SH3GL2: variants seen among roughly 807,000 people sequenced by gnomAD.
SH3GL2 encodes the protein SH3 domain containing GRB2 like 2, endophilin A1, also known as endophilin-A1.
SH3GL2 carries 24 observed loss-of-function variants against 46.0 expected under a neutral mutation model. The observed-to-expected ratio is 0.52, with a 90% CI of 0.38 to 0.73. The LOEUF (loss-of-function observed/expected upper bound fraction) is 0.73. Among genes scored for constraint, SH3GL2 ranks in the 30% least tolerant of loss-of-function variants. The pLI is 0.00. For synonymous variants in SH3GL2, 196 were observed against 147.1 expected, an observed-to-expected ratio of 1.33 and a Z score of -2.40; for missense variants, 413 against 424.2, an observed-to-expected ratio of 0.97 and a Z score of 0.23.
chr9:17,685,030 T>C (rs1016290098), intron 1 of SH3GL2, among the ~76,000 whole-genome samples: 3 of 152,132 alleles, frequency 2.0e-5, no homozygotes, highest in Admixed American at 2.0e-4. Context: ...TTAATCCTAA[T>C]ACATGGTATA....
At chr9:17,586,471 C>T (rs187805086) in intron 1 of SH3GL2, among the ~76,000 whole-genome samples, 14 of 152,182 alleles carry the variant, frequency 9.2e-5, no homozygotes, top group African/African-American at 3.1e-4. Flanking sequence ...TGCTGAGAAA[C>T]ATCTCAATAT....
At chr9:17,655,987 G>A (rs1820066007) in intron 1 of SH3GL2, among the ~76,000 whole-genome samples, 1 of 152,128 alleles carries the variant, frequency 6.6e-6, no homozygotes, top group African/African-American at 2.4e-5. Context: ...TGTGGCAGTT[G>A]GCACATCTCT....
chr9:17,746,242 A>C (rs534949014), intron 1 of SH3GL2, among the ~76,000 whole-genome samples: 7 of 151,950 alleles, frequency 4.6e-5, no homozygotes, highest in Non-Finnish European at 8.8e-5. Flanking sequence ...CGCCCAGCTA[A>C]TTTTTTTGTA....
intron 3 of SH3GL2, among the ~76,000 whole-genome samples, chr9:17,777,312 A>G (rs1823667832): frequency 6.6e-6 from 1 of 151,956 alleles, no homozygotes; most frequent in Admixed American, 6.5e-5. Context: ...AGCTTCAGAA[A>G]TCCATGTGAA....
chr9:17,735,320 T>C (rs1588285704), intron 1 of SH3GL2, among the ~76,000 whole-genome samples: 2 of 152,108 alleles, frequency 1.3e-5, no homozygotes, highest in Admixed American at 1.3e-4. Context: ...TTAGCACCTG[T>C]CCTCAGTTTA....
At chr9:17,794,848 C>G (rs1824234061) in intron 8 of SH3GL2, among the ~76,000 whole-genome samples, 1 of 152,148 alleles carries the variant, frequency 6.6e-6, no homozygotes, top group Admixed American at 6.5e-5. Context: ...GTATAAATTA[C>G]AAAATTTTTT....
chr9:17,736,508 A>C (rs1822338796), intron 1 of SH3GL2, among the ~76,000 whole-genome samples: 1 of 152,084 alleles, frequency 6.6e-6, no homozygotes, highest in African/African-American at 2.4e-5. Context: ...ACCTAAGGTA[A>C]AGCTTACGAT....
At chr9:17,762,098 G>T (rs1226094739) in intron 3 of SH3GL2, among the ~76,000 whole-genome samples, 1 of 152,126 alleles carries the variant, frequency 6.6e-6, no homozygotes, top group Non-Finnish European at 1.5e-5. Context: ...GCAGAGTTGG[G>T]GCAGTTTCGG....
chr9:17,791,444 C>T (rs9407877), intron 7 of SH3GL2, 110 bp downstream of exon 7: 41,972 of 789,546 alleles, frequency 0.053, 2,236 homozygotes, highest in African/African-American at 0.23. Context: ...GCCAAAATTC[C>T]GCTTATCCTA....
intron 1 of SH3GL2, among the ~76,000 whole-genome samples, chr9:17,656,081 C>A (rs1296148777): frequency 6.6e-6 from 1 of 152,114 alleles, no homozygotes; most frequent in African/African-American, 2.4e-5. Context: ...CTTAGACTGG[C>A]TTAGATTGGC....
At chr9:17,748,709 T>C (rs1454469996) in intron 2 of SH3GL2, among the ~76,000 whole-genome samples, 2 of 152,030 alleles carry the variant, frequency 1.3e-5, no homozygotes, top group Admixed American at 6.6e-5. Context: ...GTGCATGAAG[T>C]TCGTAGTCTA....
At chr9:17,593,427 G>T (rs1460986537) in intron 1 of SH3GL2, among the ~76,000 whole-genome samples, 1 of 151,710 alleles carries the variant, frequency 6.6e-6, no homozygotes, top group Non-Finnish European at 1.5e-5. Context: ...AGAATGGGTT[G>T]CTGGTAGGGA....
At chr9:17,693,780 T>G (rs1003194544) in intron 1 of SH3GL2, among the ~76,000 whole-genome samples, 2 of 152,150 alleles carry the variant, frequency 1.3e-5, no homozygotes, top group Non-Finnish European at 2.9e-5. Context: ...TGGCAAGGCT[T>G]TTGATGGGAG....
chr9:17,776,426 C>A (rs1823642220), intron 3 of SH3GL2, among the ~76,000 whole-genome samples: 1 of 152,104 alleles, frequency 6.6e-6, no homozygotes. Context: ...TGACATTTTA[C>A]ACTTTTCCAG....
In SH3GL2 at chr9:17,701,273, G is replaced by A. The variant is rs546354994; in HGVS notation, c.46-45793G>A. 2.6e-5 allele frequency among the ~76,000 whole-genome samples: 4 copies of A among 152,050 alleles called. No homozygotes were observed. In the East Asian group the frequency reaches 7.7e-4, roughly 29 times the overall value. On this transcript the variant is annotated intron_variant, in intron 1 of 8. Transcript: ENST00000380607. ...TTGCTACAAAATACTTAGAAATGATGGATAAAACAAAACAAAAATGTTTTC... is the reference window on the plus strand; with the variant it reads ...TTGCTACAAAATACTTAGAAATGATAGATAAAACAAAACAAAAATGTTTTC...
At chr9:17,683,229 G>C (rs1410533173) in intron 1 of SH3GL2, among the ~76,000 whole-genome samples, 1 of 152,122 alleles carries the variant, frequency 6.6e-6, no homozygotes, top group African/African-American at 2.4e-5. Context: ...GGAGAATTCA[G>C]TTACATGCAG....
chr9:17,636,545 C>A (rs1563791862), intron 1 of SH3GL2, among the ~76,000 whole-genome samples: 2 of 152,154 alleles, frequency 1.3e-5, no homozygotes, highest in Non-Finnish European at 2.9e-5. Flanking sequence ...CACAGTACAA[C>A]TTCCAGCAGT....
intron 1 of SH3GL2, among the ~76,000 whole-genome samples, chr9:17,716,980 G>C (rs185271117): frequency 3.9e-4 from 59 of 152,210 alleles, no homozygotes; most frequent in African/African-American, 1.4e-3. Flanking sequence ...TCAGGCAGGA[G>C]GTTAAACCTA....
chr9:17,592,601 C>G (rs1235108829), intron 1 of SH3GL2, among the ~76,000 whole-genome samples: 3 of 152,140 alleles, frequency 2.0e-5, no homozygotes, highest in African/African-American at 4.8e-5. Context: ...GATATTCTAA[C>G]AATACCCTGA....
Sources: gnomAD v4.1 joint callset for allele counts (sites outside exome capture counted in the v4.1 genomes callset) on GRCh38, gnomAD v4.1.1 for gene constraint, MANE v1.5 for transcripts, NCBI Gene and HGNC (gene_info 2026-07-23, HGNC 2026-07-21) for gene names.